Variants in CTIF observed in about 807,000 individuals in gnomAD.
CTIF encodes cap binding complex dependent translation initiation factor, also known as CBP80/20-dependent translation initiation factor.
CTIF carries 21 observed loss-of-function variants against 66.0 expected under a neutral mutation model. The ratio of observed to expected loss-of-function variants is 0.32; its 90% CI spans 0.23 to 0.46. CTIF has a LOEUF of 0.46. CTIF is among the 20% of genes least tolerant of loss of function. The pLI is 1.00. For missense variants in CTIF, 739 were observed against 812.7 expected, an observed-to-expected ratio of 0.91 and a Z score of 1.10; for synonymous variants, 345 against 326.4, an observed-to-expected ratio of 1.06 and a Z score of -0.62.
At position 48,664,540 on chromosome 18, in the gene CTIF, C is replaced by T. The variant is rs765737980; in HGVS notation, c.420C>T (p.Ile140=). The change falls in exon 5 of 12, where the codon ATC becomes ATT. Residue 140 remains isoleucine, a synonymous_variant. Coordinates refer to ENST00000256413, the MANE Select transcript of CTIF (RefSeq NM_014772.3). ...RHTPKQPLPH[I]DREGCGKGKL... Reference sequence around the variant, plus strand: ...CGCCCAAGCAGCCCCTGCCACACATCGACCGCGAAGGGTAAGGGGTGCTGG... The same window carrying T: ...CGCCCAAGCAGCCCCTGCCACACATTGACCGCGAAGGGTAAGGGGTGCTGG... 7 of 1,611,708 alleles carry T rather than the reference C, an allele frequency of 4.3e-6. No homozygotes were observed. Among genetic ancestry groups the T allele is most frequent in the Admixed American group, 1.7e-5 (1 of 60,026 alleles).
chr18:48,722,226 T>G (rs1204478394), intron 7 of CTIF, among the ~76,000 whole-genome samples: 1 of 147,488 alleles, frequency 6.8e-6, no homozygotes, highest in Admixed American at 6.7e-5. Flanking sequence ...TTTTTTTTTT[T>G]TTTTGTGAGA....
intron 7 of CTIF, among the ~76,000 whole-genome samples, chr18:48,714,500 C>T (rs1010939751): frequency 6.6e-6 from 1 of 152,036 alleles, no homozygotes; most frequent in Non-Finnish European, 1.5e-5. Flanking sequence ...AGTTGGTGTC[C>T]GATAGCTGCA....
At chr18:48,683,444 C>T in intron 6 of CTIF, among the ~76,000 whole-genome samples, 1 of 150,710 alleles carries the variant, frequency 6.6e-6, no homozygotes, top group Non-Finnish European at 1.5e-5. Flanking sequence ...CATTTCCTGC[C>T]CCCGAGCCTC....
intron 9 of CTIF, among the ~76,000 whole-genome samples, chr18:48,804,895 C>A (rs966999610): frequency 6.6e-6 from 1 of 152,180 alleles, no homozygotes; most frequent in African/African-American, 2.4e-5. Flanking sequence ...AGCATCCAGG[C>A]CCCAGTCTCA....
At chr18:48,766,236 A>G (rs1367435782) in intron 9 of CTIF, among the ~76,000 whole-genome samples, 1 of 151,982 alleles carries the variant, frequency 6.6e-6, no homozygotes, top group African/African-American at 2.4e-5. Context: ...TTCTGATGCA[A>G]GAGGCCTGGG....
chr18:48,851,505 G>A (rs1474525670), intron 10 of CTIF, among the ~76,000 whole-genome samples: 4 of 152,142 alleles, frequency 2.6e-5, no homozygotes, highest in Non-Finnish European at 5.9e-5. Flanking sequence ...CACATTGAGA[G>A]CCTCTAGTGC....
chr18:48,560,808 A>G (rs2089141303), intron 1 of CTIF, among the ~76,000 whole-genome samples: 1 of 150,076 alleles, frequency 6.7e-6, no homozygotes, highest in Admixed American at 6.6e-5. Context: ...CCTAGGCTCC[A>G]GTGATCCTCC....
chr18:48,695,675 T>A (rs2091996065), intron 6 of CTIF, among the ~76,000 whole-genome samples: 1 of 152,234 alleles, frequency 6.6e-6, no homozygotes, highest in Admixed American at 6.5e-5. Context: ...AGTTACTGTA[T>A]CAGAAACTTT....
intron 1 of CTIF, among the ~76,000 whole-genome samples, chr18:48,571,914 C>T (rs560460597): frequency 2.0e-4 from 31 of 152,298 alleles, no homozygotes; most frequent in Admixed American, 1.8e-3. Context: ...ATCTGTAGGG[C>T]AGGCTGGCAG....
At chr18:48,675,953 A>G (rs1039034225) in intron 6 of CTIF, among the ~76,000 whole-genome samples, 8 of 152,238 alleles carry the variant, frequency 5.3e-5, no homozygotes, top group African/African-American at 1.9e-4. Flanking sequence ...ACCAAGTTCC[A>G]TGTGAAGGCA....
At chr18:48,677,739 G>A (rs1191414126) in intron 6 of CTIF, among the ~76,000 whole-genome samples, 1 of 152,120 alleles carries the variant, frequency 6.6e-6, no homozygotes, top group Non-Finnish European at 1.5e-5. Context: ...TTTTGCGTCT[G>A]TATTCTCCCA....
At chr18:48,577,643 G>T (rs2089564073) in intron 1 of CTIF, among the ~76,000 whole-genome samples, 1 of 152,154 alleles carries the variant, frequency 6.6e-6, no homozygotes, top group Non-Finnish European at 1.5e-5. Flanking sequence ...TGCAATCATG[G>T]CTTACTGCAG....
intron 7 of CTIF, among the ~76,000 whole-genome samples, chr18:48,725,788 A>G (rs2092381055): frequency 6.6e-6 from 1 of 152,022 alleles, no homozygotes; most frequent in Admixed American, 6.5e-5. Flanking sequence ...GAGGGTGGGT[A>G]TATGTCATGT....
chr18:48,677,415 G>A (rs935538714), intron 6 of CTIF, among the ~76,000 whole-genome samples: 1 of 152,228 alleles, frequency 6.6e-6, no homozygotes, highest in Non-Finnish European at 1.5e-5. Context: ...CATAGACGGG[G>A]ACATGGTATT....
intron 3 of CTIF, among the ~76,000 whole-genome samples, chr18:48,657,610 G>T (rs984830541): frequency 6.6e-6 from 1 of 152,164 alleles, no homozygotes; most frequent in Non-Finnish European, 1.5e-5. Context: ...CTGCACGGGA[G>T]TGTGCAGGGT....
intron 9 of CTIF, among the ~76,000 whole-genome samples, chr18:48,816,341 T>G (rs933033550): frequency 1.3e-5 from 2 of 152,198 alleles, no homozygotes; most frequent in Non-Finnish European, 2.9e-5. Flanking sequence ...TTTCTGAATA[T>G]TATTTAAGCT....
intron 1 of CTIF, chr18:48,540,066 C>G (rs1483708760): frequency 6.6e-6 from 1 of 152,138 alleles, no homozygotes; most frequent in South Asian, 2.1e-4. Context: ...CCGGTGAGCC[C>G]GCGGGCCGCG....
intron 9 of CTIF, among the ~76,000 whole-genome samples, chr18:48,775,102 G>A (rs1166113182): frequency 6.6e-6 from 1 of 152,124 alleles, no homozygotes; most frequent in Non-Finnish European, 1.5e-5. Context: ...AACTCAAGCG[G>A]CCAAGAGCCA....
chr18:48,577,059 T>G (rs1363887323), intron 1 of CTIF, among the ~76,000 whole-genome samples: 1 of 152,170 alleles, frequency 6.6e-6, no homozygotes, highest in Non-Finnish European at 1.5e-5. Context: ...TGACTGAGTT[T>G]CACAGGCTGG....
Sources: gnomAD v4.1 joint callset for allele counts (sites outside exome capture counted in the v4.1 genomes callset) on GRCh38, gnomAD v4.1.1 for gene constraint, MANE v1.5 for transcripts, NCBI Gene and HGNC (gene_info 2026-07-23, HGNC 2026-07-21) for gene names.